Variants in MYLK4 observed in about 807,000 individuals in gnomAD.
The protein encoded by MYLK4 is myosin light chain kinase family member 4.
Under a neutral mutation model 48.1 loss-of-function variants are expected in MYLK4, and 46 were observed. That is an observed-to-expected ratio of 0.96 (90% CI 0.75 to 1.22). The LOEUF is 1.22. MYLK4 is among the 50% of genes most tolerant of loss of function. The pLI is 0.00. For missense variants in MYLK4, 451 were observed against 486.1 expected (o/e 0.93, Z 0.68); for synonymous variants, 170 against 180.8 (o/e 0.94, Z 0.48).
the MYLK4 span, among the ~76,000 whole-genome samples, chr6:2,764,183 G>A: frequency 6.6e-6 from 1 of 152,190 alleles, no homozygotes; most frequent in Non-Finnish European, 1.5e-5. Flanking sequence ...GTTACATGAT[G>A]ATTAAAGTTT....
rs1002743925 is a variant in MYLK4, at chr6:2,725,406, C to T, written c.159+23730G>A. Among the ~76,000 whole-genome samples the T allele has an allele frequency of 2.0e-5, 3 of 151,958 alleles. No individual in the cohort carries two copies. The South Asian group carries it at 6.3e-4, about 32-fold the overall frequency. On this transcript the variant is annotated intron_variant, in intron 2 of 12. Transcript: ENST00000274643. ...GCTTGAGCTCAGAAGTTCAAGGCTG[C>T]AATGAGCTATGATTGCAATGATTGC... is the stretch of plus-strand genomic sequence containing the variant.
chr6:2,765,408 C>T, the MYLK4 span: 3 of 441,112 alleles, frequency 6.8e-6, no homozygotes, highest in East Asian at 4.8e-5. Context: ...TCCCGACACG[C>T]CGCGTGAGGC....
chr6:2,687,529 T>C (rs546363255), intron 4 of MYLK4, among the ~76,000 whole-genome samples: 1 of 152,336 alleles, frequency 6.6e-6, no homozygotes, highest in East Asian at 1.9e-4. Context: ...CAAATAACTA[T>C]TCTCGGTTAG....
At chr6:2,703,505 A>G (rs1213443376) in intron 2 of MYLK4, among the ~76,000 whole-genome samples, 3 of 151,968 alleles carry the variant, frequency 2.0e-5, no homozygotes, top group Admixed American at 1.3e-4. Context: ...TTCCCCAGAA[A>G]TTCTTAATCT....
At chr6:2,765,595 C>T in the MYLK4 span, 1 of 1,476,592 alleles carries the variant, frequency 6.8e-7, no homozygotes. Context: ...TGCGGCCGCG[C>T]CGGGCGCCGG....
At chr6:2,733,181 G>A (rs1224709562) in intron 2 of MYLK4, among the ~76,000 whole-genome samples, 1 of 152,086 alleles carries the variant, frequency 6.6e-6, no homozygotes, top group African/African-American at 2.4e-5. Flanking sequence ...CACATATTAG[G>A]CCTTTTATGC....
chr6:2,752,211 T>G (rs1446456451), upstream of MYLK4, among the ~76,000 whole-genome samples: 1 of 152,204 alleles, frequency 6.6e-6, no homozygotes, highest in Non-Finnish European at 1.5e-5. Flanking sequence ...TGTAATAAAC[T>G]TTTCCTTTTA....
At chr6:2,754,965 T>A (rs1252085023), upstream of MYLK4, among the ~76,000 whole-genome samples, 1 of 149,298 alleles carries the variant, frequency 6.7e-6, no homozygotes, top group Non-Finnish European at 1.5e-5. Flanking sequence ...AATTTCTATC[T>A]TTTATTTTCT....
chr6:2,702,705 T>G (rs1209855882), intron 2 of MYLK4, among the ~76,000 whole-genome samples: 1 of 152,222 alleles, frequency 6.6e-6, no homozygotes, highest in Non-Finnish European at 1.5e-5. Flanking sequence ...TGAATTAGCT[T>G]GATTGACCCT....
chr6:2,737,293 CAG>C (rs1763715310), intron 2 of MYLK4, among the ~76,000 whole-genome samples: 1 of 152,244 alleles, frequency 6.6e-6, no homozygotes, highest in Non-Finnish European at 1.5e-5. Context: ...AGCCTGGCGA[CAG>C]AGCGAGACGC....
At chr6:2,746,192 G>A (rs1764088778) in intron 2 of MYLK4, among the ~76,000 whole-genome samples, 2 of 151,792 alleles carry the variant, frequency 1.3e-5, no homozygotes, top group African/African-American at 2.4e-5. Flanking sequence ...GCTTCAACCT[G>A]GGAGACGGAG....
At chr6:2,677,836 C>A (rs943895760) in intron 10 of MYLK4, among the ~76,000 whole-genome samples, 1 of 152,150 alleles carries the variant, frequency 6.6e-6, no homozygotes, top group African/African-American at 2.4e-5. Flanking sequence ...CATGATCTGG[C>A]CCACAGTAGT....
At chr6:2,720,514 T>A (rs1293229202) in intron 2 of MYLK4, among the ~76,000 whole-genome samples, 1 of 152,166 alleles carries the variant, frequency 6.6e-6, no homozygotes, top group Non-Finnish European at 1.5e-5. Context: ...GATATTAGGC[T>A]AGTGCAAAGG....
the MYLK4 span, chr6:2,766,063 C>T: frequency 3.1e-6 from 4 of 1,293,240 alleles, no homozygotes; most frequent in African/African-American, 3.1e-5. Flanking sequence ...CGGCCGCCGC[C>T]GCGGCGGGGA....
chr6:2,683,380 T>A (rs1761393895), intron 6 of MYLK4, among the ~76,000 whole-genome samples: 1 of 139,898 alleles, frequency 7.1e-6, no homozygotes. Context: ...TCAAGCCAAC[T>A]CCCCACCTTT....
rs748929539 is a variant in MYLK4, at chr6:2,692,833, G to A, written c.186C>T (p.Asp62=). The A allele has an allele frequency of 3.1e-6, 5 of 1,613,638 alleles. No individual in the cohort carries two copies. In the Admixed American group the frequency reaches 5.0e-5, roughly 16 times the overall value. The change falls in exon 3 of 13, where the codon GAC becomes GAT. Residue 62 remains aspartate (D), a synonymous_variant. Transcript: ENST00000274643. ...NEAKEVWSNA[D]LTERMPVKSK... ...TTTTGACGGGCATCCTTTCCGTCAG[G>A]TCGGCGTTTGACCACACCTCCTTCG...
At chr6:2,708,815 A>G (rs755362312) in intron 2 of MYLK4, among the ~76,000 whole-genome samples, 3 of 152,178 alleles carry the variant, frequency 2.0e-5, no homozygotes, top group Non-Finnish European at 4.4e-5. Context: ...ATATTCTCTC[A>G]TAGCCTTGAA....
intron 2 of MYLK4, among the ~76,000 whole-genome samples, chr6:2,745,653 A>G (rs573255883): frequency 4.1e-4 from 63 of 152,340 alleles, no homozygotes; most frequent in African/African-American, 1.5e-3. Context: ...GGCCACACAC[A>G]GCAGCTCATG....
chr6:2,764,498 C>T, the MYLK4 span, among the ~76,000 whole-genome samples: 308 of 152,308 alleles, frequency 2.0e-3, 1 homozygote, highest in African/African-American at 7.1e-3. Context: ...AATTCATTTA[C>T]CTCTTCTAGT....
Sources: gnomAD v4.1 joint callset for allele counts (sites outside exome capture counted in the v4.1 genomes callset) on GRCh38, gnomAD v4.1.1 for gene constraint, MANE v1.5 for transcripts, NCBI Gene and HGNC (gene_info 2026-07-23, HGNC 2026-07-21) for gene names.